RUFY2: variants seen among roughly 807,000 people sequenced by gnomAD.
The protein encoded by RUFY2 is RUN and FYVE domain containing 2.
RUFY2 carries 49 observed loss-of-function variants against 94.4 expected under a neutral mutation model. The observed-to-expected ratio is 0.52, with a 90% CI of 0.41 to 0.66. The LOEUF (loss-of-function observed/expected upper bound fraction) is 0.66, where lower values mean the gene tolerates loss of function less well. RUFY2 is among the 30% of genes least tolerant of loss of function. The pLI is 0.00. For missense variants in RUFY2, 541 were observed against 692.8 expected (o/e 0.78, Z 2.46); for synonymous variants, 255 against 235.7 (o/e 1.08, Z -0.75).
intron 16 of RUFY2, among the ~76,000 whole-genome samples, chr10:68,349,866 A>G (rs1446693695): frequency 6.6e-6 from 1 of 151,902 alleles, no homozygotes; most frequent in Admixed American, 6.6e-5. Context: ...AATAATATCA[A>G]AGACAAAATA....
intron 15 of RUFY2, 197 bp from the exon 16 acceptor site, chr10:68,355,598 T>A: frequency 2.3e-6 from 1 of 435,140 alleles, no homozygotes; most frequent in South Asian, 3.1e-5. Flanking sequence ...TATTTTAGAT[T>A]TAAAACTTGC....
chr10:68,378,795 T>A, intron 12 of RUFY2: 1 of 644,072 alleles, frequency 1.6e-6, no homozygotes, highest in Non-Finnish European at 2.6e-6. Flanking sequence ...AAAAGAATAT[T>A]CATGTCAATA....
At chr10:68,341,884 G>A (rs755316899), downstream of RUFY2, 95 of 1,589,768 alleles carry the variant, frequency 6.0e-5, no homozygotes, top group Middle Eastern at 6.6e-4. Context: ...GTGTTAGTCC[G>A]CATATGTAGT....
downstream of RUFY2, chr10:68,341,898 A>C: frequency 6.3e-7 from 1 of 1,591,948 alleles, no homozygotes; most frequent in Admixed American, 1.7e-5. Context: ...ATGTAGTGCA[A>C]ACTTTAAAGT....
At chr10:68,383,982 C>T (rs2049289057) in intron 9 of RUFY2, 68 bp from the exon 10 acceptor site, 1 of 1,577,380 alleles carries the variant, frequency 6.3e-7, no homozygotes, top group Non-Finnish European at 8.7e-7. Context: ...ATACCTACTT[C>T]ATCCAAAAAT....
At chr10:68,394,945 T>A (rs1436540469) in intron 4 of RUFY2, among the ~76,000 whole-genome samples, 7 of 152,060 alleles carry the variant, frequency 4.6e-5, no homozygotes, top group Admixed American at 6.6e-5. Context: ...TCATATTTTT[T>A]AAATTTAAAT....
chr10:68,406,218 C>T (rs1191550566), intron 1 of RUFY2, among the ~76,000 whole-genome samples: 1 of 152,016 alleles, frequency 6.6e-6, no homozygotes, highest in African/African-American at 2.4e-5. Context: ...AGTATTCCAG[C>T]TCCGATTTCT....
intron 13 of RUFY2, among the ~76,000 whole-genome samples, chr10:68,364,318 C>A (rs2047656203): frequency 6.6e-6 from 1 of 152,128 alleles, no homozygotes; most frequent in African/African-American, 2.4e-5. Context: ...CATTTGCCAG[C>A]CACGAAAAAA....
chr10:68,402,535 A>G (rs900434944), intron 2 of RUFY2, among the ~76,000 whole-genome samples: 3 of 152,154 alleles, frequency 2.0e-5, no homozygotes, highest in African/African-American at 4.8e-5. Context: ...ATGGTTCAAC[A>G]TAAGTTGTGA....
chr10:68,353,007 A>C (rs374678651), intron 16 of RUFY2, among the ~76,000 whole-genome samples: 1 of 151,938 alleles, frequency 6.6e-6, no homozygotes, highest in Non-Finnish European at 1.5e-5. Context: ...CTGGCTCAGC[A>C]AGGAACAACA....
At chr10:68,353,015 A>G (rs2046793559) in intron 16 of RUFY2, among the ~76,000 whole-genome samples, 1 of 152,064 alleles carries the variant, frequency 6.6e-6, no homozygotes, top group African/African-American at 2.4e-5. Context: ...GCAAGGAACA[A>G]CATTCAAATA....
chr10:68,387,715 G>T (rs374936109), intron 7 of RUFY2, among the ~76,000 whole-genome samples: 62 of 138,750 alleles, frequency 4.5e-4, no homozygotes, highest in African/African-American at 1.6e-3. Context: ...CTTGAAAGTT[G>T]TAAAACCAGC....
At chr10:68,401,566 G>A in intron 3 of RUFY2, 54 bp downstream of exon 3, 1 of 1,092,948 alleles carries the variant, frequency 9.1e-7, no homozygotes, top group Non-Finnish European at 1.4e-6. Context: ...TACTTTGGAG[G>A]AACAATGAAT....
Position 68,345,812 on chromosome 10 carries a change from A to G in RUFY2, c.1777T>C (p.Cys593Arg). 1.9e-6 allele frequency: 3 copies of G among 1,614,026 alleles called. No individual in the cohort carries two copies. The highest frequency in any genetic ancestry group is 2.5e-6 in the Non-Finnish European group (3 of 1,179,862). The part of the protein sequence containing the change: ...SPKPVRVCDS[C>R]HALLIQRCSS... ...CATCTCTGAATGAGCAGTGCATGAC[A>G]GGAATCACAAACCCGTACTGGTTTT... Residue 593 changes from cysteine to arginine, a missense_variant, in exon 18 of 18, where the codon TGT becomes CGT. By Grantham distance (180) the Cys-to-Arg change is radical. Transcript: ENST00000602465.
At chr10:68,406,698 C>T (rs527901244) in intron 1 of RUFY2, 5 of 1,467,292 alleles carry the variant, frequency 3.4e-6, no homozygotes, top group East Asian at 2.5e-5. Flanking sequence ...CCCCCTCCCC[C>T]CAGCAAGGCT....
intron 13 of RUFY2, 25 bp downstream of exon 13, chr10:68,376,824 GTATT>G (rs1423587682): frequency 3.7e-6 from 6 of 1,602,626 alleles, no homozygotes; most frequent in Non-Finnish European, 5.1e-6. Context: ...GTTAACACAA[GTATT>G]TGTTTCTGAG....
In RUFY2 at chr10:68,404,730, T is replaced by G; in HGVS notation, c.119A>C (p.Tyr40Ser). 1 of 1,613,248 alleles carries G rather than the reference T, an allele frequency of 6.2e-7. No homozygotes were observed. The highest frequency in any genetic ancestry group is 1.1e-5 in the South Asian group (1 of 90,878). The change falls in exon 2 of 18, where the codon TAT (tyrosine) becomes TCT (serine). Residue 40 changes from tyrosine to serine, a missense_variant. By Grantham distance (144) the Tyr-to-Ser change is moderately radical (BLOSUM62 -2). This residue lies in a region of RUFY2 where 53 missense variants were observed against 58.6 expected (regional missense o/e 0.90). Transcript: ENST00000602465. ...AACAAAGAATTGCTGCAAGGGGGGA[T>G]AGTCAGAATCCAAAGTGCGGCCAAA... ...LSFGRTLDSD[Y>S]PPLQQFFVVM...
At chr10:68,342,819 A>C (rs914984307), downstream of RUFY2, 2 of 152,612 alleles carry the variant, frequency 1.3e-5, no homozygotes, top group Non-Finnish European at 2.9e-5. Flanking sequence ...ACAAGAATTC[A>C]GTATTAAGTA....
chr10:68,405,269 C>T (rs1401303135), intron 1 of RUFY2, among the ~76,000 whole-genome samples: 2 of 149,412 alleles, frequency 1.3e-5, no homozygotes, highest in Non-Finnish European at 3.0e-5. Flanking sequence ...GCTGAGATAG[C>T]GCCACTGCAC....
Sources: allele counts gnomAD v4.1 joint callset (sites outside exome capture counted in the v4.1 genomes callset), GRCh38; gene constraint gnomAD v4.1.1; regional missense constraint gnomAD v4.1.1; transcripts MANE v1.5; gene names NCBI Gene and HGNC (gene_info 2026-07-23, HGNC 2026-07-21).